The following DYM variants were observed in gnomAD, a reference collection of about 807,000 sequenced individuals.
The protein encoded by DYM is dymeclin.
A neutral mutation model predicts 93.1 loss-of-function variants in DYM; 78 were observed. The observed-to-expected ratio is 0.84, with a 90% CI of 0.70 to 1.01. DYM has a LOEUF of 1.01. DYM is among the 50% of genes least tolerant of loss of function. DYM has a pLI of 0.00. For missense variants in DYM, 789 were observed against 845.0 expected, an observed-to-expected ratio of 0.93 and a Z score of 0.82; for synonymous variants, 321 against 319.7, an observed-to-expected ratio of 1.00 and a Z score of -0.04.
Position 49,331,903 on chromosome 18 carries a change from C to G in DYM, c.724G>C (p.Gly242Arg), listed in dbSNP as rs765042805. ...GAHVFPQQSD[G>R]GGLLYGLASG... Reference sequence around the variant, plus strand: ...GCAAGTCCATAAAGCAGTCCTCCCCCATCCGACTGCTGAGGGAAAACATGG... The same window carrying G: ...GCAAGTCCATAAAGCAGTCCTCCCCGATCCGACTGCTGAGGGAAAACATGG... Residue 242 changes from glycine (G) to arginine (R), a missense_variant, in exon 8 of 18, where the codon GGG (glycine) becomes CGG (arginine). By Grantham distance (125) the Gly-to-Arg change is moderately radical (BLOSUM62 -2). Around this residue, in one of 3 missense-constraint regions of DYM, gnomAD observed 450 missense variants for 436.2 expected, o/e 1.03. Transcript: ENST00000675505. 2.5e-6 allele frequency: 4 copies of G among 1,614,028 alleles called. No individual in the cohort carries two copies. Among genetic ancestry groups the G allele is most frequent in the East Asian group, 2.2e-5 (1 of 44,890 alleles).
chr18:49,456,780 G>A (rs186279276), intron 1 of DYM, among the ~76,000 whole-genome samples: 1 of 152,192 alleles, frequency 6.6e-6, no homozygotes, highest in Admixed American at 6.5e-5. Context: ...CTGTTTACAA[G>A]CAAAGTTCAA....
intron 16 of DYM, among the ~76,000 whole-genome samples, chr18:49,108,397 C>T (rs960646340): frequency 2.0e-5 from 3 of 152,236 alleles, no homozygotes; most frequent in Non-Finnish European, 2.9e-5. Flanking sequence ...ACGCGCAGTG[C>T]GCTGCACCTA....
intron 2 of DYM, among the ~76,000 whole-genome samples, chr18:49,415,495 T>G (rs2072862729): frequency 6.6e-6 from 1 of 151,738 alleles, no homozygotes; most frequent in African/African-American, 2.4e-5. Context: ...ATGCATTACT[T>G]TGGTACTTAG....
At chr18:49,290,581 A>G (rs1005774434) in intron 8 of DYM, among the ~76,000 whole-genome samples, 1 of 152,154 alleles carries the variant, frequency 6.6e-6, no homozygotes, top group Non-Finnish European at 1.5e-5. Context: ...AGATCCCATT[A>G]GTATGTAGAA....
At position 49,090,987 on chromosome 18, in the gene DYM, C is replaced by A. The variant is rs1024065873; in HGVS notation, c.2025+6415G>T. ...GACTTTTAAAAAGCAACTATTCCAA[C>A]AAAGTGACCAAGACCTCCAGTCTTA... On this transcript the variant is annotated intron_variant, in intron 17 of 17. Coordinates refer to ENST00000675505, the MANE Select transcript of DYM (RefSeq NM_001353214.3). Among the ~76,000 whole-genome samples, 9 of 152,166 alleles carry A rather than the reference C, an allele frequency of 5.9e-5. 1 individual carries two copies. Among genetic ancestry groups the A allele is most frequent in the East Asian group, 1.9e-4 (1 of 5,194 alleles).
intron 15 of DYM, among the ~76,000 whole-genome samples, chr18:49,154,496 G>A (rs1485782619): frequency 6.6e-6 from 1 of 152,032 alleles, no homozygotes; most frequent in East Asian, 1.9e-4. Flanking sequence ...CTGGGTTCAA[G>A]CAGTTCTCCG....
chr18:49,387,596 T>C (rs972647026), intron 3 of DYM, among the ~76,000 whole-genome samples: 2 of 152,178 alleles, frequency 1.3e-5, no homozygotes, highest in Admixed American at 1.3e-4. Context: ...GATGTCATGT[T>C]GTCACCAGCA....
At chr18:49,427,831 C>T (rs566831262) in intron 2 of DYM, among the ~76,000 whole-genome samples, 30 of 152,144 alleles carry the variant, frequency 2.0e-4, no homozygotes, top group Non-Finnish European at 2.8e-4. Context: ...GCTTATAAAT[C>T]CCAACAGTTT....
At chr18:49,432,986 C>T (rs898516323) in intron 1 of DYM, among the ~76,000 whole-genome samples, 5 of 152,078 alleles carry the variant, frequency 3.3e-5, no homozygotes, top group African/African-American at 1.2e-4. Flanking sequence ...TCTGATTTGC[C>T]AAGATTCAAA....
chr18:49,363,302 C>G (rs1206898255), intron 5 of DYM, 69 bp from the exon 6 acceptor site: 3 of 1,065,704 alleles, frequency 2.8e-6, no homozygotes, highest in Non-Finnish European at 4.4e-6. Context: ...TCAGAAGTTA[C>G]ATTTTCATTC....
intron 16 of DYM, among the ~76,000 whole-genome samples, chr18:49,112,966 C>T (rs966003295): frequency 5.9e-5 from 9 of 152,144 alleles, no homozygotes; most frequent in African/African-American, 1.4e-4. Flanking sequence ...GGTATTCTAA[C>T]GAGCTCTCAT....
intron 15 of DYM, among the ~76,000 whole-genome samples, chr18:49,127,952 A>G (rs1215381764): frequency 6.6e-6 from 1 of 152,222 alleles, no homozygotes; most frequent in African/African-American, 2.4e-5. Context: ...ATGTAAAACC[A>G]TGTGGTCTTT....
chr18:49,192,428 T>C (rs111688070), intron 14 of DYM, among the ~76,000 whole-genome samples: 1,703 of 152,344 alleles, frequency 0.011, 32 homozygotes, highest in African/African-American at 0.039. Flanking sequence ...AAGATGTTAA[T>C]CCAATTTGAT....
At chr18:49,162,894 C>T (rs1050199914) in intron 15 of DYM, among the ~76,000 whole-genome samples, 5 of 152,164 alleles carry the variant, frequency 3.3e-5, no homozygotes, top group African/African-American at 1.2e-4. Flanking sequence ...AACAGATAAA[C>T]CTGGATGGTA....
chr18:49,096,157 T>C (rs543576215), intron 17 of DYM, among the ~76,000 whole-genome samples: 2 of 152,182 alleles, frequency 1.3e-5, no homozygotes, highest in Non-Finnish European at 2.9e-5. Context: ...TAGGAACACA[T>C]CCAAGCTGGA....
At chr18:49,360,752 A>C (rs1371654116) in intron 6 of DYM, among the ~76,000 whole-genome samples, 3 of 152,222 alleles carry the variant, frequency 2.0e-5, no homozygotes, top group Admixed American at 1.3e-4. Flanking sequence ...ATCTGACCAC[A>C]TGTAAAAGAA....
chr18:49,111,993 C>G (rs1216763439), intron 16 of DYM, among the ~76,000 whole-genome samples: 1 of 152,112 alleles, frequency 6.6e-6, no homozygotes, highest in Non-Finnish European at 1.5e-5. Context: ...CCTGGGGCTG[C>G]GACAGTTTCC....
chr18:49,150,280 T>C (rs2085671541), intron 15 of DYM, among the ~76,000 whole-genome samples: 1 of 152,232 alleles, frequency 6.6e-6, no homozygotes, highest in Admixed American at 6.5e-5. Context: ...TGTTATGGAC[T>C]GAATGTGTTC....
intron 1 of DYM, among the ~76,000 whole-genome samples, chr18:49,437,357 T>C (rs533223797): frequency 6.6e-6 from 1 of 152,196 alleles, no homozygotes; most frequent in East Asian, 1.9e-4. Flanking sequence ...ATGAAGCACT[T>C]CATTCCTTTT....
Sources: allele counts gnomAD v4.1 joint callset (sites outside exome capture counted in the v4.1 genomes callset), GRCh38; gene constraint gnomAD v4.1.1; regional missense constraint gnomAD v4.1.1; transcripts MANE v1.5; gene names NCBI Gene and HGNC (gene_info 2026-07-23, HGNC 2026-07-21).